SHANK2: variants seen among roughly 807,000 people sequenced by gnomAD.
SHANK2 encodes the protein SH3 and multiple ankyrin repeat domains 2.
Under a neutral mutation model 133.7 loss-of-function variants are expected in SHANK2, and 43 were observed. The observed-to-expected ratio is 0.32, with a 90% CI of 0.25 to 0.41. SHANK2 has a LOEUF of 0.41. Among genes scored for constraint, SHANK2 ranks in the 10% least tolerant of loss-of-function variants. The pLI, the probability that SHANK2 is intolerant of heterozygous loss-of-function variation, is 1.00. For missense variants in SHANK2, 1,994 were observed against 2,235.8 expected (o/e 0.89, Z 2.18); for synonymous variants, 1,017 against 952.8 (o/e 1.07, Z -1.24).
chr11:71,241,191 G>A (rs1954885291), intron 1 of SHANK2, among the ~76,000 whole-genome samples: 1 of 152,174 alleles, frequency 6.6e-6, no homozygotes, highest in African/African-American at 2.4e-5. Context: ...CTGCATAGAA[G>A]AATGTTCCCT....
intron 11 of SHANK2, among the ~76,000 whole-genome samples, chr11:70,891,000 T>C (rs1055208407): frequency 1.3e-5 from 2 of 150,310 alleles, no homozygotes; most frequent in Admixed American, 1.3e-4. Context: ...GGGAAGATGG[T>C]GACCACATAG....
chr11:71,163,093 A>AAAACATATATATATAT lies in SHANK2; in HGVS notation c.-12-15756_-12-15755insATATATATATATGTTT. On this transcript the variant is annotated intron_variant, in intron 2 of 25. Coordinates refer to ENST00000601538, the MANE Select transcript of SHANK2 (RefSeq NM_012309.5). ...GTCTAAAAAAAAAAAAAAAAAAAAA[A>AAAACATATATATATAT]ATACATATATATATATATACAGAAT... 6.1e-4 allele frequency among the ~76,000 whole-genome samples: 52 copies of AAAACATATATATATAT among 84,694 alleles called. 1 individual carries two copies. The highest frequency in any genetic ancestry group is 2.2e-3 in the African/African-American group (49 of 21,778). 55.6% of individuals were successfully genotyped at this position (84,694 alleles called of 152,430 possible). A position where few individuals can be genotyped will look rare whatever the true frequency, so the allele number is the denominator to read the frequency against.
chr11:70,902,832 A>G (rs1950042866), intron 10 of SHANK2, among the ~76,000 whole-genome samples: 1 of 152,148 alleles, frequency 6.6e-6, no homozygotes. Context: ...ACACCCCGCC[A>G]GGGGCCCTGG....
intron 2 of SHANK2, among the ~76,000 whole-genome samples, chr11:71,189,841 GGCC>G (rs1953754963): frequency 6.6e-6 from 1 of 152,252 alleles, no homozygotes; most frequent in Admixed American, 6.5e-5. Context: ...ACACGGGAAA[GGCC>G]GCAGCTGAGG....
chr11:70,868,156 C>T (rs782610643), intron 11 of SHANK2, among the ~76,000 whole-genome samples: 9 of 152,222 alleles, frequency 5.9e-5, no homozygotes, highest in African/African-American at 9.7e-5. Flanking sequence ...TTTCTTTTCT[C>T]GAGGAAGACT....
chr11:71,252,913 C>T (rs1279024718), upstream of SHANK2, among the ~76,000 whole-genome samples: 3 of 152,206 alleles, frequency 2.0e-5, no homozygotes, highest in African/African-American at 7.2e-5. The surrounding 1 kb of genome is among the most constrained non-coding windows in gnomAD (Gnocchi z 6.3). Context: ...AAGTCCGGTT[C>T]GGTCTGCACG....
intron 2 of SHANK2, among the ~76,000 whole-genome samples, chr11:71,169,451 G>A (rs1180944412): frequency 1.3e-5 from 2 of 152,140 alleles, no homozygotes; most frequent in African/African-American, 4.8e-5. Context: ...AGTCTACACA[G>A]AATGTGTATA....
rs1265680891 is a variant in SHANK2, at chr11:70,883,049, C to A, written c.1174+13452G>T. Among the ~76,000 whole-genome samples, 3 of 152,122 alleles carry A rather than the reference C, an allele frequency of 2.0e-5. No individual in the cohort carries two copies. In the East Asian group the frequency reaches 5.8e-4, roughly 29 times the overall value. On this transcript the variant is annotated intron_variant, in intron 11 of 25. Coordinates refer to ENST00000601538, the MANE Select transcript of SHANK2 (RefSeq NM_012309.5). ...AGCCTTAGCAGGAGTGAAGGGGCGGCTCCGGAGTCAGGGCTGTCGGTTCCA... is the reference window on the plus strand; with the variant it reads ...AGCCTTAGCAGGAGTGAAGGGGCGGATCCGGAGTCAGGGCTGTCGGTTCCA...
chr11:70,480,260 C>A (rs1405409378), intron 25 of SHANK2, among the ~76,000 whole-genome samples: 13 of 152,240 alleles, frequency 8.5e-5, no homozygotes, highest in African/African-American at 3.1e-4. Flanking sequence ...TCCTGGTTTT[C>A]TGCAAGGTTG....
At chr11:70,796,957 G>A (rs1947927187) in intron 14 of SHANK2, among the ~76,000 whole-genome samples, 1 of 152,214 alleles carries the variant, frequency 6.6e-6, no homozygotes, top group Admixed American at 6.5e-5. Context: ...TAAAAGGACA[G>A]AAAGGAAGGC....
At chr11:71,232,807 T>G (rs944830680) in intron 1 of SHANK2, among the ~76,000 whole-genome samples, 1 of 152,184 alleles carries the variant, frequency 6.6e-6, no homozygotes. Flanking sequence ...TAGTTACATT[T>G]TGGGGGAGTC....
chr11:71,189,026 C>A lies in SHANK2; in HGVS notation c.-13+35671G>T, dbSNP rs73537491. Among the ~76,000 whole-genome samples, 424 of 152,334 alleles carry A rather than the reference C, an allele frequency of 2.8e-3. 2 individuals carry two copies. Among genetic ancestry groups the A allele is most frequent in the African/African-American group, 9.8e-3 (409 of 41,574 alleles). On this transcript the variant is annotated intron_variant, in intron 2 of 25. Transcript: ENST00000601538. Reference sequence around the variant, plus strand: ...ACAGCCAGGTCACAGCAACCACAGACGGCCAGGGAAGACGGAGCTCCCAGC... The same window carrying A: ...ACAGCCAGGTCACAGCAACCACAGAAGGCCAGGGAAGACGGAGCTCCCAGC...
At chr11:70,561,633 A>T (rs1554980902) in intron 17 of SHANK2, among the ~76,000 whole-genome samples, 1 of 151,632 alleles carries the variant, frequency 6.6e-6, no homozygotes, top group African/African-American at 2.4e-5. Flanking sequence ...GGCTCAAGTG[A>T]TGTTCCCACT....
intron 14 of SHANK2, among the ~76,000 whole-genome samples, chr11:70,751,154 A>G (rs1447521335): frequency 6.6e-6 from 1 of 152,250 alleles, no homozygotes; most frequent in Non-Finnish European, 1.5e-5. Context: ...AGAGAAAAGC[A>G]CATAAACTTA....
intron 16 of SHANK2, among the ~76,000 whole-genome samples, chr11:70,660,219 G>A (rs1417860327): frequency 6.6e-6 from 1 of 152,124 alleles, no homozygotes; most frequent in African/African-American, 2.4e-5. Context: ...GTGCTCTGTG[G>A]TACATGTCTA....
At chr11:71,103,259 G>A (rs1951747559) in intron 6 of SHANK2, among the ~76,000 whole-genome samples, 2 of 152,224 alleles carry the variant, frequency 1.3e-5, no homozygotes, top group South Asian at 4.1e-4. Context: ...TTACAGAGCT[G>A]AGGCCTGGCA....
chr11:70,616,298 C>T (rs35572041), intron 17 of SHANK2, among the ~76,000 whole-genome samples: 55,810 of 151,750 alleles, frequency 0.37, 10,615 homozygotes, highest in Middle Eastern at 0.47. Context: ...CCAGGCCCTG[C>T]GTCTGTTGGC....
chr11:70,859,256 T>C (rs1363179283), intron 11 of SHANK2, among the ~76,000 whole-genome samples: 3 of 151,764 alleles, frequency 2.0e-5, no homozygotes, highest in African/African-American at 7.3e-5. Flanking sequence ...AGTAGATGGA[T>C]AGTGGATGAA....
chr11:70,832,442 T>A (rs1948739313), intron 11 of SHANK2, among the ~76,000 whole-genome samples: 1 of 152,172 alleles, frequency 6.6e-6, no homozygotes, highest in Admixed American at 6.5e-5. Context: ...GTGGCAGCAG[T>A]CAGCCCTTGG....
Sources: gnomAD v4.1 joint callset for allele counts (sites outside exome capture counted in the v4.1 genomes callset) on GRCh38, gnomAD v4.1.1 for gene constraint, Gnocchi (gnomAD v3.1) non-coding constraint, MANE v1.5 for transcripts, NCBI Gene and HGNC (gene_info 2026-07-23, HGNC 2026-07-21) for gene names.